The following KIF3B variants were observed in gnomAD, a reference collection of about 807,000 sequenced individuals.
KIF3B encodes kinesin family member 3B.
A neutral mutation model predicts 74.3 loss-of-function variants in KIF3B; 38 were observed. The ratio of observed to expected loss-of-function variants is 0.51; its 90% CI spans 0.39 to 0.67. The LOEUF (loss-of-function observed/expected upper bound fraction) is 0.67. KIF3B is among the 30% of genes least tolerant of loss of function. KIF3B has a pLI of 0.00. For synonymous variants in KIF3B, 326 were observed against 342.5 expected (o/e 0.95, Z 0.53); for missense variants, 649 against 932.0 (o/e 0.70, Z 3.95).
rs2047934930 is a variant in KIF3B, at chr20:32,332,432, A to G, written c.*1113A>G. ...CAAAGGAATCCTGCCTGCCTTCAGC[A>G]GAGAATTCACCGAATCCTAGAACTG... On this transcript the variant is annotated 3_prime_UTR_variant, in exon 9 of 9. Transcript: ENST00000375712. 6.6e-6 allele frequency: 1 copy of G among 152,324 alleles called. No individual in the cohort carries two copies. The highest frequency in any genetic ancestry group is 6.5e-5 in the Admixed American group (1 of 15,284). The allele number at this position is 152,324 out of a possible 1,614,324, so 9.4% of individuals were successfully genotyped here.
chr20:32,304,524 A>G (rs532851422), intron 1 of KIF3B, among the ~76,000 whole-genome samples: 1 of 152,330 alleles, frequency 6.6e-6, no homozygotes, highest in African/African-American at 2.4e-5. Context: ...GCAGAATATC[A>G]GAAACAGCTG....
chr20:32,277,933 C>T (rs909049243), intron 1 of KIF3B, among the ~76,000 whole-genome samples, 168 bp downstream of exon 1: 1 of 152,224 alleles, frequency 6.6e-6, no homozygotes. Flanking sequence ...CGGCCTTGCC[C>T]CTCCTTCCCC....
chr20:32,306,889 A>T (rs1936839565), intron 1 of KIF3B, among the ~76,000 whole-genome samples: 1 of 152,024 alleles, frequency 6.6e-6, no homozygotes, highest in African/African-American at 2.4e-5. Flanking sequence ...CACCACGCTC[A>T]GCCTTTCCTC....
chr20:32,285,415 C>CT (rs1481582865), intron 1 of KIF3B, among the ~76,000 whole-genome samples: 1 of 152,184 alleles, frequency 6.6e-6, no homozygotes, highest in Non-Finnish European at 1.5e-5. Context: ...ATTGTTAAAA[C>CT]ATTCCATCTC....
At chr20:32,295,600 T>C (rs1306806837) in intron 1 of KIF3B, among the ~76,000 whole-genome samples, 2 of 151,706 alleles carry the variant, frequency 1.3e-5, no homozygotes, top group Admixed American at 6.6e-5. Flanking sequence ...GCTGACCTTA[T>C]GTTTACAAAT....
rs2047934829 is a variant in KIF3B, at chr20:32,332,424, C to A, written c.*1105C>A. Reference sequence around the variant, plus strand: ...GATGGAAGCAAAGGAATCCTGCCTGCCTTCAGCAGAGAATTCACCGAATCC... The same window carrying A: ...GATGGAAGCAAAGGAATCCTGCCTGACTTCAGCAGAGAATTCACCGAATCC... On this transcript the variant is annotated 3_prime_UTR_variant, in exon 9 of 9. Coordinates refer to ENST00000375712, the MANE Select transcript of KIF3B (RefSeq NM_004798.4). 6.6e-6 allele frequency: 1 copy of A among 152,272 alleles called. No individual in the cohort carries two copies. The highest frequency in any genetic ancestry group is 1.5e-5 in the Non-Finnish European group (1 of 68,082). The allele number at this position is 152,272 out of a possible 1,614,324, so 9.4% of individuals were successfully genotyped here. A position where few individuals can be genotyped will look rare whatever the true frequency, so the allele number is the denominator to read the frequency against.
Position 32,314,801 on chromosome 20 carries a change from C to G in KIF3B, c.1405-1417C>G, listed in dbSNP as rs750437673. On this transcript the variant is annotated intron_variant, in intron 2 of 8. Coordinates refer to ENST00000375712, the MANE Select transcript of KIF3B (RefSeq NM_004798.4). The stretch of plus-strand genomic sequence containing the variant: ...GAAGGCTCCCAATCTGTATATCTAG[C>G]CTAGCACTGTCTCCTGCCATCCAGG... Among the ~76,000 whole-genome samples the G allele has an allele frequency of 3.9e-5, 6 of 152,098 alleles. No homozygotes were observed. The East Asian group carries it at 1.2e-3, about 29-fold the overall frequency.
intron 1 of KIF3B, among the ~76,000 whole-genome samples, chr20:32,299,202 A>G (rs563884351): frequency 6.6e-6 from 1 of 151,664 alleles, no homozygotes; most frequent in South Asian, 2.1e-4. Context: ...ACTCAACTCT[A>G]TTCACCTCTA....
intron 7 of KIF3B, among the ~76,000 whole-genome samples, chr20:32,329,136 G>C (rs2047917990): frequency 6.6e-6 from 1 of 152,152 alleles, no homozygotes; most frequent in African/African-American, 2.4e-5. Flanking sequence ...TTGAATGCCT[G>C]ACCTCAGGTG....
intron 1 of KIF3B, among the ~76,000 whole-genome samples, chr20:32,293,953 G>C (rs562816719): frequency 3.3e-5 from 5 of 152,194 alleles, no homozygotes; most frequent in African/African-American, 9.6e-5. Flanking sequence ...CTTAATTGTC[G>C]TGTAACCTTG....
chr20:32,316,087 T>C (rs2047825924), intron 2 of KIF3B, 131 bp from the exon 3 acceptor site: 3 of 662,378 alleles, frequency 4.5e-6, no homozygotes, highest in East Asian at 5.0e-5. Context: ...CTGAGCACAG[T>C]GTATTTTTTC....
At position 32,293,652 on chromosome 20, in the gene KIF3B, C is replaced by T. The variant is rs966840656; in HGVS notation, c.-66+15887C>T. 4.6e-5 allele frequency among the ~76,000 whole-genome samples: 7 copies of T among 151,342 alleles called. No homozygotes were observed. The East Asian group carries it at 9.7e-4, about 21-fold the overall frequency. On this transcript the variant is annotated intron_variant, in intron 1 of 8. Coordinates refer to ENST00000375712, the MANE Select transcript of KIF3B (RefSeq NM_004798.4). ...AAACAACACAAAATGAGTTGGGGGG[C>T]GGGGAGAAGGAGTTCTCCAAGATTT...
chr20:32,295,323 C>G (rs1180654853), intron 1 of KIF3B, among the ~76,000 whole-genome samples: 1 of 151,358 alleles, frequency 6.6e-6, no homozygotes, highest in Non-Finnish European at 1.5e-5. Flanking sequence ...GACAGAATCT[C>G]GCTCTGTCGC....
rs63593160 is a variant in KIF3B, at chr20:32,294,148, C to T, written c.-65-15565C>T. ...ATTGATTCTGAATAGTAGGTGTTGT[C>T]CAACAGACTTGAATATATTTTTGAA... On this transcript the variant is annotated intron_variant, in intron 1 of 8. Transcript: ENST00000375712. Among the ~76,000 whole-genome samples, 634 of 129,394 alleles carry T rather than the reference C, an allele frequency of 4.9e-3. 3 individuals carry two copies. Among genetic ancestry groups the T allele is most frequent in the Non-Finnish European group, 7.7e-3 (483 of 63,106 alleles). 84.9% of individuals were successfully genotyped at this position (129,394 alleles called of 152,430 possible).
At position 32,290,114 on chromosome 20, in the gene KIF3B, G is replaced by A. The variant is rs1163245313; in HGVS notation, c.-66+12349G>A. Among the ~76,000 whole-genome samples the A allele has an allele frequency of 3.3e-5, 5 of 152,164 alleles. No homozygotes were observed. In the South Asian group the frequency reaches 8.3e-4, roughly 25 times the overall value. On this transcript the variant is annotated intron_variant, in intron 1 of 8. Coordinates refer to ENST00000375712, the MANE Select transcript of KIF3B (RefSeq NM_004798.4). ...AGAGCCTCAGAACTACGAATGATAGGCTGGGCACAGTGGCTCCCAGCACTT... is the reference window on the plus strand; with the variant it reads ...AGAGCCTCAGAACTACGAATGATAGACTGGGCACAGTGGCTCCCAGCACTT...
At chr20:32,324,899 C>T (rs1023377692) in intron 5 of KIF3B, among the ~76,000 whole-genome samples, 1 of 152,040 alleles carries the variant, frequency 6.6e-6, no homozygotes, top group Non-Finnish European at 1.5e-5. Context: ...GGCATGGAGA[C>T]ATGTGTCTAT....
At chr20:32,278,868 C>T (rs1268553320) in intron 1 of KIF3B, among the ~76,000 whole-genome samples, 4 of 150,744 alleles carry the variant, frequency 2.7e-5, no homozygotes, top group Non-Finnish European at 2.9e-5. Context: ...CTCATTTTGC[C>T]GATGAGGAAA....
At chr20:32,291,011 A>G (rs1338586684) in intron 1 of KIF3B, among the ~76,000 whole-genome samples, 1 of 152,252 alleles carries the variant, frequency 6.6e-6, no homozygotes, top group East Asian at 1.9e-4. Flanking sequence ...GAAATAAGCC[A>G]GTCACAAAAG....
chr20:32,302,266 A>G (rs150112238), intron 1 of KIF3B, among the ~76,000 whole-genome samples: 93 of 152,348 alleles, frequency 6.1e-4, no homozygotes, highest in African/African-American at 2.1e-3. Flanking sequence ...TCCTGAAAGA[A>G]TATGTCAATA....
Sources: gnomAD v4.1 joint callset for allele counts (sites outside exome capture counted in the v4.1 genomes callset) on GRCh38, gnomAD v4.1.1 for gene constraint, MANE v1.5 for transcripts, NCBI Gene and HGNC (gene_info 2026-07-23, HGNC 2026-07-21) for gene names.